The following EML1 variants were observed in gnomAD, a reference collection of about 807,000 sequenced individuals.
EML1 encodes echinoderm microtubule-associated protein-like 1.
Under a neutral mutation model 110.4 loss-of-function variants are expected in EML1, and 27 were observed. The ratio of observed to expected loss-of-function variants is 0.24; its 90% confidence interval spans 0.18 to 0.34. The LOEUF (loss-of-function observed/expected upper bound fraction) is 0.34, where lower values mean the gene tolerates loss of function less well. EML1 is among the 10% of genes least tolerant of loss of function. The pLI, the probability that EML1 is intolerant of heterozygous loss-of-function variation, is 1.00. For synonymous variants in EML1, 344 were observed against 385.8 expected (o/e 0.89, Z 1.27); for missense variants, 741 against 1,030.9 (o/e 0.72, Z 3.85).
chr14:99,852,735 T>C (rs957629098), intron 2 of EML1, among the ~76,000 whole-genome samples: 4 of 152,224 alleles, frequency 2.6e-5, no homozygotes, highest in Non-Finnish European at 4.4e-5. Flanking sequence ...AGTTTTTTTT[T>C]CTCAAGTACT....
At chr14:99,748,571 C>T (rs2057139881) in intron 1 of EML1, among the ~76,000 whole-genome samples, 1 of 152,074 alleles carries the variant, frequency 6.6e-6, no homozygotes, top group Non-Finnish European at 1.5e-5. Flanking sequence ...GAGTTCAAGA[C>T]CAGCCTGTGC....
At chr14:99,770,779 A>ATTTTTTTTTTTTTTTTTTT (rs34744469), upstream of EML1, among the ~76,000 whole-genome samples, 488 of 91,610 alleles carry the variant, frequency 5.3e-3, 67 homozygotes, top group African/African-American at 6.9e-3. Flanking sequence ...GTTTCCGCTG[A>ATTTTTTTTTTTTTTTTTTT]TTTTTTTTTT....
At chr14:99,820,998 A>G (rs556235298) in intron 1 of EML1, among the ~76,000 whole-genome samples, 2 of 148,832 alleles carry the variant, frequency 1.3e-5, no homozygotes, top group African/African-American at 4.9e-5. Context: ...TAACATGGTT[A>G]TTGCAGCAGG....
intron 1 of EML1, among the ~76,000 whole-genome samples, chr14:99,799,881 G>T (rs2057842648): frequency 6.6e-6 from 1 of 152,126 alleles, no homozygotes; most frequent in Non-Finnish European, 1.5e-5. Context: ...CCTTCATCAT[G>T]GATAACATTG....
intron 1 of EML1, among the ~76,000 whole-genome samples, chr14:99,826,708 GAAAAAAAAAC>G (rs558876200): frequency 8.6e-5 from 12 of 140,150 alleles, no homozygotes; most frequent in Non-Finnish European, 1.5e-4. Context: ...TGCTTCTTGG[GAAAAAAAAAC>G]AAAAAAAAAC....
chr14:99,885,799 G>A, intron 4 of EML1: 1 of 434,760 alleles, frequency 2.3e-6, no homozygotes, highest in Non-Finnish European at 4.6e-6. Context: ...ATAACATGTT[G>A]GACGCATTGT....
In EML1 at chr14:99,894,772, A is replaced by G. The variant is rs946619191; in HGVS notation, c.677+14A>G. 6 of 1,603,784 alleles carry G rather than the reference A, an allele frequency of 3.7e-6. No individual in the cohort carries two copies. Among genetic ancestry groups the G allele is most frequent in the African/African-American group, 1.3e-5 (1 of 74,472 alleles). ...GCTGGAATGGGTGTATCCTTTATTC[A>G]TTGATTAGGTCTCACATGAAGTTAT... On this transcript the variant is annotated intron_variant, in intron 6 of 21. Coordinates refer to ENST00000262233, the MANE Select transcript of EML1 (RefSeq NM_004434.3).
chr14:99,923,003 G>T (rs557602292), intron 17 of EML1, among the ~76,000 whole-genome samples: 1 of 152,272 alleles, frequency 6.6e-6, no homozygotes, highest in South Asian at 2.1e-4. Context: ...GAGTGCACTG[G>T]CATGATCATG....
At chr14:99,745,915 A>T (rs2057102324) in intron 1 of EML1, among the ~76,000 whole-genome samples, 1 of 152,148 alleles carries the variant, frequency 6.6e-6, no homozygotes, top group Non-Finnish European at 1.5e-5. Context: ...TAGAGCAGGG[A>T]ATTCAGCCAG....
chr14:99,828,974 G>A (rs2058404915), intron 1 of EML1, among the ~76,000 whole-genome samples: 1 of 152,086 alleles, frequency 6.6e-6, no homozygotes, highest in Non-Finnish European at 1.5e-5. Context: ...GTGACAAGCA[G>A]AAAAAAATCC....
In EML1 at chr14:99,939,947, T is replaced by C. The variant is rs368645499; in HGVS notation, c.2323-40T>C. On this transcript the variant is annotated intron_variant, in intron 21 of 21. Coordinates refer to ENST00000262233, the MANE Select transcript of EML1 (RefSeq NM_004434.3). The surrounding 1 kb of genome is among the most constrained non-coding windows in gnomAD (Gnocchi z 4.2). ...ACTTTCCCATCCCAGATGGTTCGCC[T>C]TGTAGTAAAGGAAGCTTTCCCCCGT... 4.7e-6 allele frequency: 7 copies of C among 1,500,028 alleles called. No individual in the cohort carries two copies. The African/African-American group carries it at 9.9e-5, about 21-fold the overall frequency. The allele number at this position is 1,500,028 out of a possible 1,614,324, so 92.9% of individuals were successfully genotyped here.
chr14:99,865,525 A>G lies in EML1; in HGVS notation c.262A>G (p.Met88Val), dbSNP rs757497819. The G allele has an allele frequency of 6.2e-7, 1 of 1,614,170 alleles. No homozygotes were observed. The highest frequency in any genetic ancestry group is 8.5e-7 in the Non-Finnish European group (1 of 1,180,018). The change falls in exon 3 of 22, where the codon ATG becomes GTG. Residue 88 changes from methionine to valine, a missense_variant. Met to Val is a conservative substitution (Grantham distance 21). Transcript: ENST00000262233. ...RKGPTKARPL[M>V]QTLPLRTTVN... ...TGCTTGTCTTACAGCAAGACCACTG[A>G]TGCAGACCCTGCCTTTAAGAACCAC... is the stretch of plus-strand genomic sequence containing the variant.
chr14:99,874,502 C>T (rs2139919657), intron 3 of EML1, among the ~76,000 whole-genome samples: 1 of 152,210 alleles, frequency 6.6e-6, no homozygotes, highest in Non-Finnish European at 1.5e-5. Flanking sequence ...TTTGATATTC[C>T]CTGCTGGTTA....
In EML1 at chr14:99,852,071, ATGT is replaced by A. The variant is rs551439815; in HGVS notation, c.250+1040_250+1042del. Among the ~76,000 whole-genome samples, 132 of 152,252 alleles carry A rather than the reference ATGT, an allele frequency of 8.7e-4. 1 individual carries two copies. Among genetic ancestry groups the A allele is most frequent in the Admixed American group, 1.6e-3 (25 of 15,288 alleles). ...TAAAAAGCAATATTTGTATTAAATA[ATGT>A]TGTCATTATCTTCTTAGAAGATAAT... On this transcript the variant is annotated intron_variant, in intron 2 of 21. Transcript: ENST00000262233.
At chr14:99,749,589 G>T (rs1325329824) in intron 1 of EML1, among the ~76,000 whole-genome samples, 5 of 152,184 alleles carry the variant, frequency 3.3e-5, no homozygotes, top group Admixed American at 6.5e-5. Context: ...GCTGCAGGCT[G>T]GGGTTAGGGT....
At chr14:99,836,687 TC>T (rs1166434481) in intron 1 of EML1, among the ~76,000 whole-genome samples, 1 of 152,246 alleles carries the variant, frequency 6.6e-6, no homozygotes, top group Non-Finnish European at 1.5e-5. Context: ...TCTTTGAATG[TC>T]CAGTTGTTTT....
chr14:99,914,506 G>T, intron 14 of EML1, 60 bp from the exon 15 acceptor site: 1 of 1,549,634 alleles, frequency 6.5e-7, no homozygotes, highest in Non-Finnish European at 8.7e-7. Context: ...CATCCCTTAC[G>T]GCTCCTGAGT....
intron 1 of EML1, among the ~76,000 whole-genome samples, chr14:99,834,954 G>A (rs2058515588): frequency 6.6e-6 from 1 of 151,924 alleles, no homozygotes; most frequent in Non-Finnish European, 1.5e-5. Context: ...CTAGTAGCTG[G>A]GACTAGAGGT....
chr14:99,740,123 A>T (rs573167299), intron 1 of EML1, among the ~76,000 whole-genome samples: 1 of 152,238 alleles, frequency 6.6e-6, no homozygotes, highest in Admixed American at 6.5e-5. Context: ...AGAGAGGGAG[A>T]TGAGGGGAGC....
Sources: allele counts gnomAD v4.1 joint callset (sites outside exome capture counted in the v4.1 genomes callset), GRCh38; gene constraint gnomAD v4.1.1; non-coding constraint Gnocchi (gnomAD v3.1); transcripts MANE v1.5; gene names NCBI Gene and HGNC (gene_info 2026-07-23, HGNC 2026-07-21).